The following NEDD4L variants were observed in gnomAD, a reference collection of about 807,000 sequenced individuals.
The protein encoded by NEDD4L is NEDD4 like E3 ubiquitin protein ligase, also known as E3 ubiquitin-protein ligase NEDD4-like.
Under a neutral mutation model 148.9 loss-of-function variants are expected in NEDD4L, and 54 were observed. That is an observed-to-expected ratio of 0.36 (90% confidence interval 0.29 to 0.45). The LOEUF (loss-of-function observed/expected upper bound fraction) is 0.45. Among genes scored for constraint, NEDD4L ranks in the 20% least tolerant of loss-of-function variants. The probability of loss-of-function intolerance (pLI) is 1.00; values close to 1 mark genes in which losing one functional copy is unlikely to be tolerated. For missense variants in NEDD4L, 856 were observed against 1,233.8 expected (o/e 0.69, Z 4.59); for synonymous variants, 433 against 440.7 (o/e 0.98, Z 0.22).
chr18:58,178,189 T>C (rs922668989), intron 2 of NEDD4L, among the ~76,000 whole-genome samples: 1 of 152,234 alleles, frequency 6.6e-6, no homozygotes, highest in Non-Finnish European at 1.5e-5. Context: ...TATTTTGTCA[T>C]GGTTTCCAGA....
At chr18:58,045,026 C>CG in intron 1 of NEDD4L, 1 of 409,856 alleles carries the variant, frequency 2.4e-6, no homozygotes, top group Admixed American at 4.4e-5. Flanking sequence ...CTCCAAGCAG[C>CG]GTCTCCCGGG....
At chr18:58,080,715 C>T (rs959990768) in intron 1 of NEDD4L, among the ~76,000 whole-genome samples, 1 of 152,162 alleles carries the variant, frequency 6.6e-6, no homozygotes, top group African/African-American at 2.4e-5. Context: ...GTGTGTTAAC[C>T]ATCAAGATTA....
chr18:58,291,623 C>G (rs993712080), intron 5 of NEDD4L, among the ~76,000 whole-genome samples: 5 of 152,182 alleles, frequency 3.3e-5, no homozygotes, highest in Middle Eastern at 3.2e-3. Flanking sequence ...GTAAGACAAT[C>G]TTTGCCTAGG....
rs2046079955 is a variant in NEDD4L, at chr18:58,366,117, A to G, written c.1952A>G (p.Glu651Gly). 3 of 1,613,720 alleles carry G rather than the reference A, an allele frequency of 1.9e-6. No homozygotes were observed. Among genetic ancestry groups the G allele is most frequent in the Middle Eastern group, 1.6e-4 (1 of 6,062 alleles). Reference protein sequence around the residue: ...PDVLKARLWIEFESEKGLDYG... With the variant: ...PDVLKARLWIGFESEKGLDYG... ...GTCCTAAAAGCTAGACTGTGGATTG[A>G]GTTTGAATCAGAGAAAGGTCTTGAC... The change falls in exon 21 of 31, where the codon GAG becomes GGG. Residue 651 changes from glutamate to glycine, a missense_variant. Physicochemically the swap from Glu to Gly is moderately conservative, Grantham distance 98. This residue lies in a region of NEDD4L where 286 missense variants were observed against 531.8 expected (regional missense o/e 0.54). Coordinates refer to ENST00000400345, the MANE Select transcript of NEDD4L (RefSeq NM_001144967.3). The surrounding 1 kb of genome is among the most constrained non-coding windows in gnomAD (Gnocchi z 4.2).
chr18:58,330,177 G>C (rs569842328), intron 10 of NEDD4L, among the ~76,000 whole-genome samples: 1 of 152,276 alleles, frequency 6.6e-6, no homozygotes, highest in East Asian at 1.9e-4. Flanking sequence ...AGATCATTTA[G>C]AATGCGGCGA....
chr18:58,207,712 T>C (rs982721024), intron 2 of NEDD4L, among the ~76,000 whole-genome samples: 1 of 152,124 alleles, frequency 6.6e-6, no homozygotes, highest in Non-Finnish European at 1.5e-5. Context: ...CACTCACGAG[T>C]GTCATCTGAC....
intron 24 of NEDD4L, among the ~76,000 whole-genome samples, chr18:58,381,776 G>A (rs752587964): frequency 9.9e-5 from 15 of 152,142 alleles, no homozygotes; most frequent in Non-Finnish European, 2.1e-4. Context: ...CACTGTCCAC[G>A]CACCTCTGAG....
chr18:58,104,865 C>T (rs2084974892), intron 1 of NEDD4L, among the ~76,000 whole-genome samples: 1 of 151,536 alleles, frequency 6.6e-6, no homozygotes, highest in Admixed American at 6.6e-5. Flanking sequence ...CCAACCAACC[C>T]CTCCACCCCC....
At chr18:58,173,136 T>G (rs2037706047) in intron 2 of NEDD4L, among the ~76,000 whole-genome samples, 1 of 152,204 alleles carries the variant, frequency 6.6e-6, no homozygotes, top group Non-Finnish European at 1.5e-5. Flanking sequence ...CTGGAGACAT[T>G]TAACCTTTTG....
chr18:58,291,677 A>C (rs2054787259), intron 5 of NEDD4L, among the ~76,000 whole-genome samples: 1 of 152,198 alleles, frequency 6.6e-6, no homozygotes, highest in Non-Finnish European at 1.5e-5. Flanking sequence ...CCAGTAAGCT[A>C]ATCTGGAGTA....
In NEDD4L at chr18:58,138,882, A is replaced by G. The variant is rs1224326448; in HGVS notation, c.49-26906A>G. Among the ~76,000 whole-genome samples, 5 of 152,350 alleles carry G rather than the reference A, an allele frequency of 3.3e-5. No individual in the cohort carries two copies. The East Asian group carries it at 9.6e-4, about 29-fold the overall frequency. On this transcript the variant is annotated intron_variant, in intron 1 of 30. Transcript: ENST00000400345. ...ATCTTGGGGATTAGGATTTCAACAC[A>G]TGAATTTTAGGGGGACGCAAACATT...
chr18:58,048,305 GT>G (rs2081685493), intron 1 of NEDD4L, among the ~76,000 whole-genome samples: 3 of 152,164 alleles, frequency 2.0e-5, no homozygotes, highest in African/African-American at 7.2e-5. Context: ...AACCATTAAG[GT>G]TAACTTTTGG....
At position 58,329,091 on chromosome 18, in the gene NEDD4L, G is replaced by GGAGCCC. The variant is rs763418389; in HGVS notation, c.784_789dup (p.Glu262_Pro263dup). 3 of 1,613,918 alleles carry GGAGCCC rather than the reference G, an allele frequency of 1.9e-6. No individual in the cohort carries two copies. Among genetic ancestry groups the GGAGCCC allele is most frequent in the Admixed American group, 3.3e-5 (2 of 60,030 alleles). ...CCCGCAGGCACATCAGCGAAGACTT[G>GGAGCCC]GAGCCCGAGCCCTCGGAGGGCGGGG... On this transcript the variant is annotated inframe_insertion, in exon 10 of 31. Transcript: ENST00000400345.
intron 2 of NEDD4L, among the ~76,000 whole-genome samples, chr18:58,219,507 A>G (rs1249315945): frequency 6.6e-6 from 1 of 152,202 alleles, no homozygotes; most frequent in Non-Finnish European, 1.5e-5. Flanking sequence ...CAACTACCAC[A>G]AATTTGTTTT....
intron 1 of NEDD4L, among the ~76,000 whole-genome samples, chr18:58,131,728 G>T (rs922806042): frequency 1.3e-5 from 2 of 152,118 alleles, no homozygotes; most frequent in South Asian, 4.1e-4. Flanking sequence ...TTGGGGTTTG[G>T]TTGTGATCTA....
intron 1 of NEDD4L, among the ~76,000 whole-genome samples, chr18:58,151,658 T>TGTGTG (rs60365242): frequency 2.0e-5 from 3 of 151,034 alleles, no homozygotes; most frequent in Non-Finnish European, 4.4e-5. Context: ...TGTGTGTGTG[T>TGTGTG]TGGCTGGAGA....
chr18:58,280,543 C>T (rs2052892434), intron 5 of NEDD4L, among the ~76,000 whole-genome samples: 1 of 152,124 alleles, frequency 6.6e-6, no homozygotes, highest in Non-Finnish European at 1.5e-5. Context: ...CAAGTCTGTG[C>T]ATATTGGTAG....
chr18:58,247,019 A>T (rs568233416), intron 3 of NEDD4L, among the ~76,000 whole-genome samples: 11 of 152,204 alleles, frequency 7.2e-5, no homozygotes, highest in African/African-American at 2.6e-4. Context: ...AGCCTGGGTG[A>T]CAGAATGAGA....
At chr18:58,276,978 T>A (rs1332866937) in intron 5 of NEDD4L, among the ~76,000 whole-genome samples, 2 of 152,130 alleles carry the variant, frequency 1.3e-5, no homozygotes, top group African/African-American at 4.8e-5. Flanking sequence ...GAGACTTTGT[T>A]TTTCCCTTGG....
Sources: gnomAD v4.1 joint callset for allele counts (sites outside exome capture counted in the v4.1 genomes callset) on GRCh38, gnomAD v4.1.1 for gene constraint, gnomAD v4.1.1 regional missense constraint, Gnocchi (gnomAD v3.1) non-coding constraint, MANE v1.5 for transcripts, NCBI Gene and HGNC (gene_info 2026-07-23, HGNC 2026-07-21) for gene names.